ANO2: variants seen among roughly 807,000 people sequenced by gnomAD.
ANO2 encodes anoctamin-2.
Under a neutral mutation model 124.2 loss-of-function variants are expected in ANO2, and 101 were observed. The ratio of observed to expected loss-of-function variants is 0.81; its 90% CI spans 0.69 to 0.96. The LOEUF (loss-of-function observed/expected upper bound fraction) is 0.96, where lower values mean the gene tolerates loss of function less well. Among genes scored for constraint, ANO2 ranks in the 40% least tolerant of loss-of-function variants. The pLI is 0.00. For synonymous variants in ANO2, 486 were observed against 482.5 expected, an observed-to-expected ratio of 1.01 and a Z score of -0.09; for missense variants, 1,293 against 1,274.5, an observed-to-expected ratio of 1.01 and a Z score of -0.22.
At chr12:5,907,818 C>A (rs1285230295) in intron 3 of ANO2, among the ~76,000 whole-genome samples, 2 of 152,196 alleles carry the variant, frequency 1.3e-5, no homozygotes, top group Non-Finnish European at 2.9e-5. Context: ...CATCAGTGAA[C>A]CTGGCCCTTC....
rs188973321 is a variant in ANO2 at position 5,906,377 on chromosome 12, A to G, written c.534+14663T>C. On this transcript the variant is annotated intron_variant, in intron 3 of 24. Transcript: ENST00000682330. ...AAAAAAAAAAAAGAAAAAGAAAAAA[A>G]GAGGCCATCCATGGTGACTCACACC... is the stretch of plus-strand genomic sequence containing the variant. 3.7e-3 allele frequency among the ~76,000 whole-genome samples: 563 copies of G among 152,066 alleles called. 4 individuals carry two copies. The highest frequency in any genetic ancestry group is 0.013 in the African/African-American group (547 of 41,442).
chr12:5,778,075 T>C (rs1378236372), intron 10 of ANO2, among the ~76,000 whole-genome samples: 1 of 152,214 alleles, frequency 6.6e-6, no homozygotes, highest in Non-Finnish European at 1.5e-5. Context: ...TAATCCACTG[T>C]TATAACAAAG....
At chr12:5,692,566 A>C (rs1380482914) in intron 14 of ANO2, among the ~76,000 whole-genome samples, 1 of 152,152 alleles carries the variant, frequency 6.6e-6, no homozygotes, top group Non-Finnish European at 1.5e-5. Flanking sequence ...GTCTTGTCTT[A>C]GGCCATATTC....
chr12:5,766,759 T>C (rs1951902684), intron 10 of ANO2, among the ~76,000 whole-genome samples: 1 of 152,208 alleles, frequency 6.6e-6, no homozygotes, highest in Non-Finnish European at 1.5e-5. Flanking sequence ...GGTCATCTTG[T>C]TTGTCCCTCT....
rs1943054891 is a variant in ANO2 at position 5,945,218 on chromosome 12, G to A, written c.-1C>T. On this transcript the variant is annotated 5_prime_UTR_variant, in exon 1 of 25. Transcript: ENST00000682330. ...CACCGCGCGGCCCGGGAGTCGCCAT[G>A]ATGTGGACGCAGACCCCGCCGGCCC... The A allele has an allele frequency of 7.8e-7, 1 of 1,288,510 alleles. No homozygotes were observed. The highest frequency in any genetic ancestry group is 1.5e-5 in the African/African-American group (1 of 65,942). The allele number at this position is 1,288,510 out of a possible 1,614,324, so 79.8% of individuals were successfully genotyped here.
chr12:5,713,210 G>A (rs1949879327), intron 14 of ANO2, among the ~76,000 whole-genome samples: 1 of 152,130 alleles, frequency 6.6e-6, no homozygotes, highest in South Asian at 2.1e-4. Context: ...GTTCAACCCT[G>A]CCATGGTGCT....
At chr12:5,647,043 T>C (rs760100097) in intron 15 of ANO2, among the ~76,000 whole-genome samples, 7 of 152,304 alleles carry the variant, frequency 4.6e-5, no homozygotes, top group Middle Eastern at 6.8e-3. Flanking sequence ...AAGCAGAACC[T>C]CCAATCTTGA....
rs943259733 is a variant in ANO2, at chr12:5,769,951, C to G, written c.1056-18981G>C. 1.3e-5 allele frequency among the ~76,000 whole-genome samples: 2 copies of G among 152,100 alleles called. No homozygotes were observed. The highest frequency in any genetic ancestry group is 2.9e-5 in the Non-Finnish European group (2 of 68,016). On this transcript the variant is annotated intron_variant, in intron 10 of 24. Transcript: ENST00000682330. The surrounding 1 kb of genome is among the most constrained non-coding windows in gnomAD (Gnocchi z 4.0). ...CGGCTGGGCACCTATGGGCAATGTA[C>G]AAAATTCACAAGCCTGTGTGGCAGC...
chr12:5,827,299 T>C (rs1339321026), intron 7 of ANO2, among the ~76,000 whole-genome samples: 3 of 152,214 alleles, frequency 2.0e-5, no homozygotes, highest in Non-Finnish European at 4.4e-5. Flanking sequence ...TAGAAGAGGC[T>C]CACTCAGACT....
intron 1 of ANO2, among the ~76,000 whole-genome samples, chr12:5,923,653 C>T (rs1260464691): frequency 6.6e-6 from 1 of 152,192 alleles, no homozygotes; most frequent in African/African-American, 2.4e-5. Flanking sequence ...AGGACCACTT[C>T]AGAAAAATTC....
At chr12:5,859,285 T>C (rs1955195390) in intron 3 of ANO2, among the ~76,000 whole-genome samples, 1 of 152,168 alleles carries the variant, frequency 6.6e-6, no homozygotes, top group African/African-American at 2.4e-5. Context: ...CAGTCTAAGG[T>C]AGGTAATTTT....
intron 6 of ANO2, among the ~76,000 whole-genome samples, chr12:5,828,749 T>A (rs2137212959): frequency 6.6e-6 from 1 of 152,230 alleles, no homozygotes; most frequent in African/African-American, 2.4e-5. Context: ...GGGACAAAGG[T>A]GGGTCAGTGT....
upstream of ANO2, chr12:5,945,304 C>T (rs1943060363): frequency 9.0e-7 from 1 of 1,112,054 alleles, no homozygotes. Context: ...CGCGGCTCAG[C>T]TCCGTCCCGG....
intron 14 of ANO2, among the ~76,000 whole-genome samples, chr12:5,698,695 T>G (rs1949287342): frequency 6.6e-6 from 1 of 152,086 alleles, no homozygotes; most frequent in Non-Finnish European, 1.5e-5. Context: ...CTAAAAACCT[T>G]GAAAAAAGAC....
Position 5,641,156 on chromosome 12 carries a change from T to C in ANO2, c.1621-5809A>G, listed in dbSNP as rs1403175997. On this transcript the variant is annotated intron_variant, in intron 15 of 24. Transcript: ENST00000682330. ...ACCAAACACCACATGTTCTCACTCA[T>C]AGGTTGGAACTGAACAATGAGAACA... Among the ~76,000 whole-genome samples the C allele has an allele frequency of 4.2e-5, 6 of 144,166 alleles. No homozygotes were observed. In the East Asian group the frequency reaches 1.2e-3, roughly 29 times the overall value. The allele number at this position is 144,166 out of a possible 152,430, so 94.6% of individuals were successfully genotyped here.
chr12:5,806,157 A>G, intron 8 of ANO2, 64 bp from the exon 9 acceptor site: 1 of 1,513,892 alleles, frequency 6.6e-7, no homozygotes, highest in Non-Finnish European at 9.0e-7. Context: ...GCCAAAGGAG[A>G]AAGGATTTTC....
At chr12:5,758,557 C>T (rs944019378) in intron 10 of ANO2, among the ~76,000 whole-genome samples, 9 of 152,198 alleles carry the variant, frequency 5.9e-5, no homozygotes, top group African/African-American at 1.9e-4. Flanking sequence ...CATGCAGGGA[C>T]TGCTGAAATC....
intron 7 of ANO2, among the ~76,000 whole-genome samples, chr12:5,813,229 T>A (rs539141399): frequency 1.7e-4 from 26 of 152,152 alleles, no homozygotes; most frequent in Non-Finnish European, 3.2e-4. Context: ...TTGGTTATCT[T>A]TGGGGGGTCA....
intron 14 of ANO2, among the ~76,000 whole-genome samples, chr12:5,664,532 C>T (rs1947607517): frequency 6.6e-6 from 1 of 152,202 alleles, no homozygotes; most frequent in Non-Finnish European, 1.5e-5. Flanking sequence ...TTAGTCTCAT[C>T]TTATACATAA....
Sources: gnomAD v4.1 joint callset for allele counts (sites outside exome capture counted in the v4.1 genomes callset) on GRCh38, gnomAD v4.1.1 for gene constraint, Gnocchi (gnomAD v3.1) non-coding constraint, MANE v1.5 for transcripts, NCBI Gene and HGNC (gene_info 2026-07-23, HGNC 2026-07-21) for gene names.